Variants in CXCL9 observed in about 807,000 individuals in gnomAD.
CXCL9 encodes C-X-C motif chemokine 9.
A neutral mutation model predicts 11.7 loss-of-function variants in CXCL9; 8 were observed. The ratio of observed to expected loss-of-function variants is 0.68; its 90% confidence interval spans 0.40 to 1.23. The LOEUF (loss-of-function observed/expected upper bound fraction) is 1.23, where lower values mean the gene tolerates loss of function less well. Among genes scored for constraint, CXCL9 ranks in the 50% most tolerant of loss-of-function variants. The pLI, the probability that CXCL9 is intolerant of heterozygous loss-of-function variation, is 0.01. For missense variants in CXCL9, 133 were observed against 141.7 expected, an observed-to-expected ratio of 0.94 and a Z score of 0.31; for synonymous variants, 43 against 48.2, an observed-to-expected ratio of 0.89 and a Z score of 0.45.
rs926478781 is a variant in CXCL9 at position 76,004,978 on chromosome 4, T to G, written c.192-85A>C. 21 of 1,399,184 alleles carry G rather than the reference T, an allele frequency of 1.5e-5. No individual in the cohort carries two copies. The East Asian group carries it at 5.3e-4, about 36-fold the overall frequency. 86.7% of individuals were successfully genotyped at this position (1,399,184 alleles called of 1,614,324 possible). On this transcript the variant is annotated intron_variant, in intron 2 of 3. Transcript: ENST00000264888. ...CAGAAATAATGAAAATCAGTATGAA[T>G]TGTGCTGAATTTTCTAATGAAACTA...
chr4:76,003,778 A>G (rs1256888016), intron 3 of CXCL9, 79 bp from the exon 4 acceptor site: 7 of 832,476 alleles, frequency 8.4e-6, no homozygotes, highest in Non-Finnish European at 8.0e-6. Context: ...TCTCCTGATC[A>G]TTGTCTCATA....
At chr4:76,004,997 G>C in intron 2 of CXCL9, 104 bp from the exon 3 acceptor site, 1 of 1,331,156 alleles carries the variant, frequency 7.5e-7, no homozygotes. Flanking sequence ...ATTTTCTAAT[G>C]AAACTACTTA....
In CXCL9 at chr4:76,007,308, C is replaced by A; in HGVS notation, c.64+78G>T. On this transcript the variant is annotated intron_variant, in intron 1 of 3. Transcript: ENST00000264888. ...TACTCTTCAATGCAGGCAGAACATT[C>A]ACCTTTATCTGGCTAATCAAGATTC... 3.5e-6 allele frequency: 3 copies of A among 854,114 alleles called. No homozygotes were observed. The Admixed American group carries it at 5.1e-5, about 15-fold the overall frequency. The allele number at this position is 854,114 out of a possible 1,614,324, so 52.9% of individuals were successfully genotyped here.
chr4:76,004,604 C>T (rs534841027), intron 3 of CXCL9, among the ~76,000 whole-genome samples: 17 of 152,208 alleles, frequency 1.1e-4, no homozygotes, highest in Non-Finnish European at 1.6e-4. Flanking sequence ...AAGGAACACA[C>T]ATTCTTCCAG....
chr4:76,005,910 G>A (rs903687329), intron 2 of CXCL9: 3 of 369,178 alleles, frequency 8.1e-6, no homozygotes, highest in African/African-American at 2.1e-5. Context: ...TTCTTCTATT[G>A]TGTTACCTGC....
chr4:76,006,496 A>C (rs1412231511), intron 1 of CXCL9, among the ~76,000 whole-genome samples: 1 of 152,188 alleles, frequency 6.6e-6, no homozygotes. Flanking sequence ...GCTTTTAGGG[A>C]GCAGGGGCAG....
chr4:76,004,174 G>A (rs1004804216), intron 3 of CXCL9, among the ~76,000 whole-genome samples: 22 of 151,978 alleles, frequency 1.4e-4, no homozygotes, highest in Non-Finnish European at 1.8e-4. Flanking sequence ...GATTCCTCCC[G>A]CTTTGTCCTG....
Position 76,004,915 on chromosome 4 carries a change from GAT to G in CXCL9, c.192-24_192-23del, listed in dbSNP as rs1331495946. On this transcript the variant is annotated intron_variant, in intron 2 of 3. Transcript: ENST00000264888. ...AGCACTGCCAAAGAAATAGCAATGA[GAT>G]AGTTTTTTCTCATTAATAATTTAAA... is the stretch of plus-strand genomic sequence containing the variant. The G allele has an allele frequency of 2.6e-6, 4 of 1,518,360 alleles. No homozygotes were observed. In the Admixed American group the frequency reaches 9.0e-5, roughly 34 times the overall value. 94.1% of individuals were successfully genotyped at this position (1,518,360 alleles called of 1,614,324 possible). A position where few individuals can be genotyped will look rare whatever the true frequency, so the allele number is the denominator to read the frequency against.
chr4:76,007,068 AC>A (rs1731600075), intron 1 of CXCL9, among the ~76,000 whole-genome samples: 1 of 152,222 alleles, frequency 6.6e-6, no homozygotes, highest in African/African-American at 2.4e-5. Flanking sequence ...TTGGTTAGCC[AC>A]AGATATACTT....
chr4:76,004,908 G>T lies in CXCL9; in HGVS notation c.192-15C>A. ...TCAGTGTAGCACTGCCAAAGAAATA[G>T]CAATGAGATAGTTTTTTCTCATTAA... is the stretch of plus-strand genomic sequence containing the variant. On this transcript the variant is annotated splice_polypyrimidine_tract_variant and intron_variant, in intron 2 of 3. Coordinates refer to ENST00000264888, the MANE Select transcript of CXCL9 (RefSeq NM_002416.3). 1 of 1,526,604 alleles carries T rather than the reference G, an allele frequency of 6.6e-7. No homozygotes were observed. Among genetic ancestry groups the T allele is most frequent in the Non-Finnish European group, 8.8e-7 (1 of 1,141,342 alleles). 94.6% of individuals were successfully genotyped at this position (1,526,604 alleles called of 1,614,324 possible).
chr4:76,005,533 C>T (rs145946480), intron 2 of CXCL9: 19 of 152,354 alleles, frequency 1.2e-4, no homozygotes, highest in African/African-American at 4.1e-4. Context: ...AATACTGCCA[C>T]AGTAAGTTTT....
At position 76,004,851 on chromosome 4, in the gene CXCL9, A is replaced by G. The variant is rs1306170181; in HGVS notation, c.234T>C (p.Asp78=). The change falls in exon 3 of 4, where the codon GAT becomes GAC. Residue 78 remains aspartate (D), a synonymous_variant. Transcript: ENST00000264888. The part of the protein sequence containing the change: ...KNGVQTCLNP[D]SADVKELIKK... ...TAATCAGTTCCTTCACATCTGCTGAATCTGGGTTTAGACATGTTTGAACTC... is the reference window on the plus strand; with the variant it reads ...TAATCAGTTCCTTCACATCTGCTGAGTCTGGGTTTAGACATGTTTGAACTC... 6.2e-7 allele frequency: 1 copy of G among 1,609,920 alleles called. No homozygotes were observed. Among genetic ancestry groups the G allele is most frequent in the Non-Finnish European group, 8.5e-7 (1 of 1,178,702 alleles).
chr4:76,007,027 C>T (rs1183130453), intron 1 of CXCL9, among the ~76,000 whole-genome samples: 1 of 152,134 alleles, frequency 6.6e-6, no homozygotes, highest in Non-Finnish European at 1.5e-5. Flanking sequence ...AGATTAGGGA[C>T]AAATTCTCTG....
In CXCL9 at chr4:76,003,664, T is replaced by C. The variant is rs1280165554; in HGVS notation, c.312A>G (p.Lys104=). ...SQKKKQKNGK[K]HQKKKVLKVR... ...CTTTCAGAACTTTCTTTTTTTGATG[T>C]TTTTTCCCATTCTTTTGCTTTTTCT... Residue 104 remains lysine, a synonymous_variant, in exon 4 of 4, where the codon AAA becomes AAG. Coordinates refer to ENST00000264888, the MANE Select transcript of CXCL9 (RefSeq NM_002416.3). 6.2e-7 allele frequency: 1 copy of C among 1,611,944 alleles called. No individual in the cohort carries two copies. The highest frequency in any genetic ancestry group is 1.7e-5 in the Admixed American group (1 of 59,962).
chr4:76,005,315 G>C (rs11735339), intron 2 of CXCL9: 5,973 of 152,854 alleles, frequency 0.039, 161 homozygotes, highest in Non-Finnish European at 0.059. Flanking sequence ...AAAGTGCTGG[G>C]ATTACAGGTG....
intron 1 of CXCL9, 64 bp from the exon 2 acceptor site, chr4:76,006,338 CA>C: frequency 6.8e-7 from 1 of 1,474,590 alleles, no homozygotes; most frequent in Non-Finnish European, 9.3e-7. Context: ...GGTGATCTAT[CA>C]AAATGATACA....
chr4:76,004,970 A>C (rs980637541), intron 2 of CXCL9, 77 bp from the exon 3 acceptor site: 5 of 1,469,182 alleles, frequency 3.4e-6, no homozygotes, highest in Middle Eastern at 1.8e-4. Flanking sequence ...AATGAAAATC[A>C]GTATGAATTG....
rs1731607698 is a variant in CXCL9 at position 76,007,360 on chromosome 4, T to G, written c.64+26A>C. ...TTTACAGTGAATCACTTCTCTTACTTTACAACCTAACTCAGAACCCCTTAC... is the reference window on the plus strand; with the variant it reads ...TTTACAGTGAATCACTTCTCTTACTGTACAACCTAACTCAGAACCCCTTAC... On this transcript the variant is annotated intron_variant, in intron 1 of 3. Transcript: ENST00000264888. 8 of 1,360,238 alleles carry G rather than the reference T, an allele frequency of 5.9e-6. No individual in the cohort carries two copies. In the East Asian group the frequency reaches 1.8e-4, roughly 31 times the overall value. 84.3% of individuals were successfully genotyped at this position (1,360,238 alleles called of 1,614,324 possible).
rs1409936858 is a variant in CXCL9 at position 76,003,765 on chromosome 4, G to A, written c.277-66C>T. 8.5e-6 allele frequency: 8 copies of A among 945,346 alleles called. No individual in the cohort carries two copies. The East Asian group carries it at 1.7e-4, about 20-fold the overall frequency. 58.6% of individuals were successfully genotyped at this position (945,346 alleles called of 1,614,324 possible). A position where few individuals can be genotyped will look rare whatever the true frequency, so the allele number is the denominator to read the frequency against. ...TACCATTTTTACTTCCTTTTATTTG[G>A]ACTCTCCTGATCATTGTCTCATACC... On this transcript the variant is annotated intron_variant, in intron 3 of 3. Coordinates refer to ENST00000264888, the MANE Select transcript of CXCL9 (RefSeq NM_002416.3).
Sources: gnomAD v4.1 joint callset for allele counts (sites outside exome capture counted in the v4.1 genomes callset) on GRCh38, gnomAD v4.1.1 for gene constraint, MANE v1.5 for transcripts, NCBI Gene and HGNC (gene_info 2026-07-23, HGNC 2026-07-21) for gene names.